SPIN1: variants seen among roughly 807,000 people sequenced by gnomAD.
The protein encoded by SPIN1 is spindlin 1.
In SPIN1, 3 loss-of-function variants were observed where a neutral mutation model predicts 26.0. The ratio of observed to expected loss-of-function variants is 0.12; its 90% CI spans 0.05 to 0.30. The LOEUF is 0.30. Ranked by LOEUF, SPIN1 falls within the 10% of genes least tolerant of loss-of-function variation. The pLI is 1.00. For missense variants in SPIN1, 126 were observed against 333.4 expected (o/e 0.38, Z 4.84); for synonymous variants, 101 against 116.5 (o/e 0.87, Z 0.86).
intron 4 of SPIN1, among the ~76,000 whole-genome samples, chr9:88,463,320 G>A (rs1392374697): frequency 6.6e-6 from 1 of 152,114 alleles, no homozygotes; most frequent in African/African-American, 2.4e-5. Flanking sequence ...AAGGTCTAAG[G>A]TAAATAATAA....
intron 1 of SPIN1, among the ~76,000 whole-genome samples, chr9:88,422,656 C>G (rs1024945741): frequency 1.3e-5 from 2 of 151,688 alleles, no homozygotes; most frequent in Non-Finnish European, 2.9e-5. Context: ...AGAAAGGACT[C>G]TAAAATTTTA....
intron 4 of SPIN1, among the ~76,000 whole-genome samples, chr9:88,466,417 A>T (rs1178316528): frequency 2.0e-5 from 3 of 151,930 alleles, no homozygotes; most frequent in Admixed American, 1.3e-4. Context: ...CTGGGGCTCA[A>T]AGTGCTAGGA....
intron 2 of SPIN1, among the ~76,000 whole-genome samples, chr9:88,445,904 A>G (rs1264832589): frequency 1.3e-5 from 2 of 152,114 alleles, no homozygotes; most frequent in Non-Finnish European, 2.9e-5. Context: ...TTGGAAAACT[A>G]TTTTGGCATT....
Position 88,456,446 on chromosome 9 carries a change from G to C in SPIN1, c.102-6050G>C, listed in dbSNP as rs951428459. Among the ~76,000 whole-genome samples, 16 of 152,294 alleles carry C rather than the reference G, an allele frequency of 1.1e-4. No individual in the cohort carries two copies. The East Asian group carries it at 3.1e-3, about 29-fold the overall frequency. On this transcript the variant is annotated intron_variant, in intron 3 of 5. Coordinates refer to ENST00000375859, the MANE Select transcript of SPIN1 (RefSeq NM_006717.3). ...TAGAATACTGCCAGGATCAGAGATA[G>C]TAAGGGCTGGACAATAGAATGGCTT... is the stretch of plus-strand genomic sequence containing the variant.
intron 3 of SPIN1, chr9:88,457,821 A>T (rs1828500136): frequency 1.0e-6 from 1 of 980,628 alleles, no homozygotes; most frequent in African/African-American, 1.8e-5. Flanking sequence ...TATACATGAG[A>T]AAAAAATGTG....
intron 1 of SPIN1, among the ~76,000 whole-genome samples, chr9:88,416,117 T>C (rs1437640934): frequency 1.3e-5 from 2 of 152,078 alleles, no homozygotes; most frequent in African/African-American, 4.8e-5. Flanking sequence ...ACTCTGAGTA[T>C]TTTTTCTTTC....
chr9:88,440,399 T>C (rs1291775480), intron 2 of SPIN1, among the ~76,000 whole-genome samples: 1 of 152,246 alleles, frequency 6.6e-6, no homozygotes, highest in East Asian at 1.9e-4. Context: ...GCTCAAGCGA[T>C]CCGTCCACCT....
chr9:88,426,617 T>G (rs1827768697), intron 2 of SPIN1, 26 bp downstream of exon 2: 2 of 1,588,842 alleles, frequency 1.3e-6, no homozygotes, highest in African/African-American at 1.4e-5. Flanking sequence ...CTACACATAT[T>G]TAAATATATA....
At chr9:88,396,762 A>G (rs1388705892) in intron 1 of SPIN1, among the ~76,000 whole-genome samples, 5 of 152,138 alleles carry the variant, frequency 3.3e-5, no homozygotes, top group African/African-American at 9.7e-5. Context: ...CTCATAGAGT[A>G]TACTTACACA....
intron 1 of SPIN1, among the ~76,000 whole-genome samples, chr9:88,390,433 T>A (rs1488738988): frequency 6.6e-6 from 1 of 152,238 alleles, no homozygotes; most frequent in Non-Finnish European, 1.5e-5. Flanking sequence ...GAGGTTTAGG[T>A]GGTTTTCACT....
chr9:88,428,679 A>G (rs571824499), intron 2 of SPIN1, among the ~76,000 whole-genome samples: 1 of 152,320 alleles, frequency 6.6e-6, no homozygotes, highest in East Asian at 1.9e-4. Flanking sequence ...GTTAATCCTA[A>G]CAAGTACTTT....
At chr9:88,446,941 T>C (rs769255386) in intron 2 of SPIN1, among the ~76,000 whole-genome samples, 1 of 152,232 alleles carries the variant, frequency 6.6e-6, no homozygotes, top group Non-Finnish European at 1.5e-5. Context: ...TTGTTGAGCT[T>C]GTTAGCTCTG....
At chr9:88,390,402 C>T (rs1826894212) in intron 1 of SPIN1, among the ~76,000 whole-genome samples, 1 of 152,158 alleles carries the variant, frequency 6.6e-6, no homozygotes, top group Admixed American at 6.6e-5. Flanking sequence ...ATGAGAGTTA[C>T]TAATTTGGTT....
chr9:88,422,178 A>G (rs1269966386), intron 1 of SPIN1, among the ~76,000 whole-genome samples: 2 of 152,182 alleles, frequency 1.3e-5, no homozygotes, highest in African/African-American at 4.8e-5. Context: ...AGTTTTAGCA[A>G]CTATTGATGG....
chr9:88,468,984 A>T (rs1828724015), intron 5 of SPIN1, among the ~76,000 whole-genome samples: 1 of 152,178 alleles, frequency 6.6e-6, no homozygotes, highest in Non-Finnish European at 1.5e-5. Flanking sequence ...TAGTCCCCCC[A>T]GTGCAATTAT....
intron 2 of SPIN1, among the ~76,000 whole-genome samples, chr9:88,439,240 T>C (rs573807569): frequency 6.6e-6 from 1 of 152,330 alleles, no homozygotes; most frequent in African/African-American, 2.4e-5. Context: ...TATTTTTTAC[T>C]GTTAAGAACT....
intron 4 of SPIN1, among the ~76,000 whole-genome samples, chr9:88,464,673 C>CT (rs1828626781): frequency 6.6e-6 from 1 of 152,156 alleles, no homozygotes. Flanking sequence ...ACAATATTTT[C>CT]TTTATGAGCA....
intron 2 of SPIN1, among the ~76,000 whole-genome samples, chr9:88,443,652 TG>T (rs1390808454): frequency 6.6e-6 from 1 of 152,228 alleles, no homozygotes; most frequent in Non-Finnish European, 1.5e-5. Flanking sequence ...AGATGATGTC[TG>T]GGTAACAGGA....
At chr9:88,411,340 C>T (rs759518448) in intron 1 of SPIN1, 41 of 1,499,948 alleles carry the variant, frequency 2.7e-5, no homozygotes, top group African/African-American at 5.5e-5. Context: ...CCACACAGTC[C>T]GTGAGTGTCC....
Sources: gnomAD v4.1 joint callset for allele counts (sites outside exome capture counted in the v4.1 genomes callset) on GRCh38, gnomAD v4.1.1 for gene constraint, MANE v1.5 for transcripts, NCBI Gene and HGNC (gene_info 2026-07-23, HGNC 2026-07-21) for gene names.